TSPO: variants seen among roughly 807,000 people sequenced by gnomAD.
TSPO encodes the protein translocator protein, also known as benzodiazepine peripheral binding site.
A neutral mutation model predicts 13.9 loss-of-function variants in TSPO; 14 were observed. The observed-to-expected ratio is 1.01, with a 90% CI of 0.67 to 1.58. TSPO has a LOEUF of 1.58. Ranked by LOEUF, TSPO falls within the 40% of genes most tolerant of loss-of-function variation. The pLI is 0.00. For synonymous variants in TSPO, 114 were observed against 105.9 expected (o/e 1.08, Z -0.47); for missense variants, 232 against 229.6 (o/e 1.01, Z -0.07).
In TSPO at chr22:43,162,995, C is replaced by T. The variant is rs1230430127; in HGVS notation, c.*4C>T. 1 of 1,580,320 alleles carries T rather than the reference C, an allele frequency of 6.3e-7. No homozygotes were observed. Among genetic ancestry groups the T allele is most frequent in the African/African-American group, 1.3e-5 (1 of 74,374 alleles). ...GGGACGGCGGCTGCCAGAGTGAGTGCCCGGCCCACCAGGGACTGCAGCTGC... is the reference window on the plus strand; with the variant it reads ...GGGACGGCGGCTGCCAGAGTGAGTGTCCGGCCCACCAGGGACTGCAGCTGC... On this transcript the variant is annotated 3_prime_UTR_variant, in exon 4 of 4. Transcript: ENST00000337554.
At chr22:43,159,531 C>G in intron 2 of TSPO, 111 bp downstream of exon 2, 2 of 1,188,264 alleles carry the variant, frequency 1.7e-6, no homozygotes, top group Non-Finnish European at 2.2e-6. Flanking sequence ...CATGGTTTCC[C>G]CAGCCCCATT....
Position 43,159,421 on chromosome 22 carries a change from G to T in TSPO, c.182+1G>T. On this transcript the variant is annotated splice_donor_variant, in intron 2 of 3. Transcript: ENST00000337554. LOFTEE classifies it high-confidence loss of function. ...GGGGCACGCTCTACTCAGCCATGGG[G>T]TAGGTGGGCGTGCACTGGCCTGGGG... 6.6e-7 allele frequency: 1 copy of T among 1,512,018 alleles called. No individual in the cohort carries two copies. The highest frequency in any genetic ancestry group is 8.9e-7 in the Non-Finnish European group (1 of 1,129,834). 93.7% of individuals were successfully genotyped at this position (1,512,018 alleles called of 1,614,324 possible).
intron 3 of TSPO, 143 bp downstream of exon 3, chr22:43,161,333 A>G: frequency 8.0e-7 from 1 of 1,249,284 alleles, no homozygotes; most frequent in Non-Finnish European, 1.1e-6. Context: ...TAAGCAGCCC[A>G]CACCCTGGAG....
At position 43,163,056 on chromosome 22, in the gene TSPO, C is replaced by T. The variant is rs774887772; in HGVS notation, c.*65C>T. On this transcript the variant is annotated 3_prime_UTR_variant, in exon 4 of 4. Transcript: ENST00000337554. ...GCCATCACGCTTGTGATGTGGTGGC[C>T]GTCACGCTTTCATGACCACTGGGCC... The T allele has an allele frequency of 3.8e-6, 6 of 1,560,150 alleles. No homozygotes were observed. The African/African-American group carries it at 4.1e-5, about 11-fold the overall frequency.
At chr22:43,154,165 G>A (rs899055670) in intron 1 of TSPO, among the ~76,000 whole-genome samples, 3 of 152,088 alleles carry the variant, frequency 2.0e-5, no homozygotes, top group Non-Finnish European at 4.4e-5. Flanking sequence ...TGCACACAAA[G>A]GTTACGATGA....
Position 43,163,039 on chromosome 22 carries a change from G to T in TSPO, c.*48G>T. ...CAGCTGCACCAGCAGGTGCCATCAC[G>T]CTTGTGATGTGGTGGCCGTCACGCT... On this transcript the variant is annotated 3_prime_UTR_variant, in exon 4 of 4. Transcript: ENST00000337554. 6.4e-7 allele frequency: 1 copy of T among 1,571,274 alleles called. No homozygotes were observed.
At chr22:43,159,717 G>C (rs1405654036) in intron 2 of TSPO, 4 of 349,644 alleles carry the variant, frequency 1.1e-5, no homozygotes, top group Non-Finnish European at 1.5e-5. Flanking sequence ...CAGAGGCATG[G>C]ACGCTAAGAT....
At chr22:43,159,082 C>A in intron 1 of TSPO, 128 bp from the exon 2 acceptor site, 2 of 728,268 alleles carry the variant, frequency 2.7e-6, no homozygotes, top group Non-Finnish European at 2.1e-6. Context: ...CCCCGCACAT[C>A]TCTGCGCCTC....
chr22:43,155,180 G>A (rs956205735), intron 1 of TSPO, among the ~76,000 whole-genome samples: 5 of 152,172 alleles, frequency 3.3e-5, no homozygotes, highest in Non-Finnish European at 7.3e-5. Flanking sequence ...TCATGTCTCA[G>A]TTTCCTCATC....
At position 43,151,597 on chromosome 22, in the gene TSPO, C is replaced by T. The variant is rs939280420; in HGVS notation, c.-37C>T. ...CAGTGCCCTTCCCGGAGCGTGCCCT[C>T]GCCGCTGGTGAGTGAGGACGGGACG... is the stretch of plus-strand genomic sequence containing the variant. On this transcript the variant is annotated 5_prime_UTR_variant, in exon 1 of 4. Coordinates refer to ENST00000337554, the MANE Select transcript of TSPO (RefSeq NM_000714.6). 5.3e-5 allele frequency: 8 copies of T among 152,222 alleles called. No homozygotes were observed. Among genetic ancestry groups the T allele is most frequent in the African/African-American group, 1.9e-4 (8 of 41,446 alleles). The allele number at this position is 152,222 out of a possible 1,614,324, so 9.4% of individuals were successfully genotyped here.
At chr22:43,158,793 G>C (rs1409355786) in intron 1 of TSPO, among the ~76,000 whole-genome samples, 1 of 150,584 alleles carries the variant, frequency 6.6e-6, no homozygotes, top group Non-Finnish European at 1.5e-5. Flanking sequence ...AACTCTGTCT[G>C]ATACCAGTCA....
intron 1 of TSPO, among the ~76,000 whole-genome samples, chr22:43,157,937 T>C (rs546126072): frequency 3.9e-5 from 6 of 152,362 alleles, no homozygotes; most frequent in Admixed American, 3.3e-4. Context: ...TGAGAACAAC[T>C]TTCTCGTTAC....
At chr22:43,156,755 C>T (rs117202102) in intron 1 of TSPO, among the ~76,000 whole-genome samples, 37 of 152,250 alleles carry the variant, frequency 2.4e-4, no homozygotes, top group Non-Finnish European at 4.7e-4. Context: ...TCACTGAAAG[C>T]GCACCAGCTT....
chr22:43,152,733 C>G (rs1053725719), intron 1 of TSPO, among the ~76,000 whole-genome samples: 1 of 152,254 alleles, frequency 6.6e-6, no homozygotes, highest in Non-Finnish European at 1.5e-5. Flanking sequence ...TCCAGAGTCA[C>G]GCAGCTGGCG....
intron 1 of TSPO, among the ~76,000 whole-genome samples, chr22:43,158,992 C>T (rs890568929): frequency 2.0e-5 from 3 of 151,946 alleles, no homozygotes; most frequent in Admixed American, 6.6e-5. Flanking sequence ...GACCCAAGGT[C>T]GAGGTGAGGG....
At chr22:43,157,363 T>G (rs1359904148) in intron 1 of TSPO, among the ~76,000 whole-genome samples, 1 of 151,228 alleles carries the variant, frequency 6.6e-6, no homozygotes, top group Non-Finnish European at 1.5e-5. Flanking sequence ...TGCCGGGACA[T>G]AGGTCACATG....
chr22:43,155,898 A>C (rs1025930996), intron 1 of TSPO, among the ~76,000 whole-genome samples: 3 of 152,184 alleles, frequency 2.0e-5, no homozygotes, highest in Admixed American at 6.5e-5. Context: ...CAGAGCAGAT[A>C]TCTGGATCCT....
intron 2 of TSPO, among the ~76,000 whole-genome samples, chr22:43,159,935 A>G (rs1931382206): frequency 6.6e-6 from 1 of 152,064 alleles, no homozygotes; most frequent in Non-Finnish European, 1.5e-5. Flanking sequence ...CCCGGAAAGG[A>G]CGTGCTGGGA....
At chr22:43,153,551 C>T (rs1931158305) in intron 1 of TSPO, among the ~76,000 whole-genome samples, 1 of 75,192 alleles carries the variant, frequency 1.3e-5, no homozygotes, top group African/African-American at 4.1e-5. Context: ...CGGGGTTTCA[C>T]CTTGTTAGCC....
Sources: allele counts gnomAD v4.1 joint callset (sites outside exome capture counted in the v4.1 genomes callset), GRCh38; gene constraint gnomAD v4.1.1; transcripts MANE v1.5; gene names NCBI Gene and HGNC (gene_info 2026-07-23, HGNC 2026-07-21).